MECR: variants seen among roughly 807,000 people sequenced by gnomAD.
MECR encodes the protein enoyl-[acyl-carrier-protein] reductase, mitochondrial.
MECR carries 37 observed loss-of-function variants against 49.1 expected under a neutral mutation model. The ratio of observed to expected loss-of-function variants is 0.75; its 90% confidence interval spans 0.58 to 0.99. MECR has a LOEUF of 0.99. Ranked by LOEUF, MECR falls within the 50% of genes least tolerant of loss-of-function variation. The probability of loss-of-function intolerance (pLI) is 0.00; values close to 1 mark genes in which losing one functional copy is unlikely to be tolerated. For synonymous variants in MECR, 198 were observed against 191.1 expected (o/e 1.04, Z -0.30); for missense variants, 470 against 479.6 (o/e 0.98, Z 0.19).
chr1:29,196,389 G>A (rs1674003469), intron 7 of MECR, 131 bp from the exon 8 acceptor site: 2 of 817,104 alleles, frequency 2.4e-6, no homozygotes, highest in Middle Eastern at 2.7e-4. Flanking sequence ...GGGAAAGGTT[G>A]AAAAATACAG....
At chr1:29,224,084 C>G (rs1681458061) in intron 1 of MECR, 1 of 152,200 alleles carries the variant, frequency 6.6e-6, no homozygotes, top group African/African-American at 2.4e-5. Context: ...GAAACCTTCT[C>G]AATCCCCTAC....
intron 3 of MECR, among the ~76,000 whole-genome samples, chr1:29,211,289 G>A (rs1040010979): frequency 6.6e-6 from 1 of 152,158 alleles, no homozygotes; most frequent in African/African-American, 2.4e-5. Context: ...GGCCATTCTT[G>A]AACTCTTGGA....
intron 4 of MECR, among the ~76,000 whole-genome samples, chr1:29,204,320 A>C (rs1487415486): frequency 1.3e-5 from 2 of 152,092 alleles, no homozygotes; most frequent in Non-Finnish European, 2.9e-5. Flanking sequence ...GGCAGCAGGG[A>C]TCTGTCACAC....
At chr1:29,189,357 C>T (rs1673079987), downstream of MECR, among the ~76,000 whole-genome samples, 3 of 152,068 alleles carry the variant, frequency 2.0e-5, no homozygotes, top group South Asian at 6.2e-4. Flanking sequence ...GTGTGAGCCA[C>T]CACACCCAGG....
Position 29,220,546 on chromosome 1 carries a change from T to C in MECR, c.177-3861A>G, listed in dbSNP as rs528997299. 4.6e-5 allele frequency among the ~76,000 whole-genome samples: 7 copies of C among 152,296 alleles called. No homozygotes were observed. In the East Asian group the frequency reaches 1.4e-3, roughly 29 times the overall value. ...TGGGCTCAAATAAAGATGGAGATTA[T>C]CCTTAAGAGCATTCAGTCTAGGCAT... On this transcript the variant is annotated intron_variant, in intron 1 of 9. Transcript: ENST00000263702.
At chr1:29,224,033 G>C (rs562625574) in intron 1 of MECR, 1 of 152,290 alleles carries the variant, frequency 6.6e-6, no homozygotes, top group South Asian at 2.1e-4. Flanking sequence ...AGGAATCAGA[G>C]ACTTAGGGCA....
intron 3 of MECR, among the ~76,000 whole-genome samples, chr1:29,209,585 G>T (rs1393089623): frequency 6.6e-6 from 1 of 152,158 alleles, no homozygotes; most frequent in Admixed American, 6.5e-5. Flanking sequence ...AGGAACAGAA[G>T]ATGGATTTGA....
At chr1:29,168,910 A>G in the MECR span, 1 of 152,250 alleles carries the variant, frequency 6.6e-6, no homozygotes, top group Non-Finnish European at 1.5e-5. Flanking sequence ...CCAGAAATCA[A>G]AGAATACTAG....
intron 3 of MECR, among the ~76,000 whole-genome samples, chr1:29,214,796 C>T (rs923612685): frequency 6.6e-6 from 1 of 152,286 alleles, no homozygotes; most frequent in Admixed American, 6.5e-5. Context: ...TGACTTTGGG[C>T]CAGGGCTTTA....
At chr1:29,217,877 G>A (rs771933379) in intron 1 of MECR, among the ~76,000 whole-genome samples, 4 of 152,222 alleles carry the variant, frequency 2.6e-5, no homozygotes, top group African/African-American at 4.8e-5. Flanking sequence ...GATTCACTCT[G>A]AGTGATGTCC....
intron 9 of MECR, among the ~76,000 whole-genome samples, chr1:29,195,728 C>A (rs1673813813): frequency 6.6e-6 from 1 of 152,222 alleles, no homozygotes; most frequent in South Asian, 2.1e-4. Flanking sequence ...AGGACGGGGG[C>A]AGTGTCTGTC....
At chr1:29,222,259 A>G (rs867180380) in intron 1 of MECR, among the ~76,000 whole-genome samples, 3 of 151,562 alleles carry the variant, frequency 2.0e-5, no homozygotes, top group Non-Finnish European at 4.4e-5. Context: ...ACGCCTGGCT[A>G]ATTTTTTTTT....
At chr1:29,207,302 TAG>T (rs1164505102) in intron 3 of MECR, among the ~76,000 whole-genome samples, 2 of 152,046 alleles carry the variant, frequency 1.3e-5, no homozygotes, top group African/African-American at 4.8e-5. Context: ...TTATTTTTAG[TAG>T]AGACAGGGTT....
downstream of MECR, among the ~76,000 whole-genome samples, chr1:29,188,341 C>T (rs1673067342): frequency 1.3e-5 from 2 of 150,808 alleles, no homozygotes; most frequent in South Asian, 4.2e-4. Flanking sequence ...AGGTGCCTGC[C>T]ACCACGCCCG....
At chr1:29,172,070 T>C in the MECR span, 1 of 152,216 alleles carries the variant, frequency 6.6e-6, no homozygotes, top group Admixed American at 6.5e-5. Context: ...AGAAAAAAAT[T>C]AAATTCCCCA....
At chr1:29,186,594 A>C in the MECR span, among the ~76,000 whole-genome samples, 1 of 152,238 alleles carries the variant, frequency 6.6e-6, no homozygotes, top group South Asian at 2.1e-4. Context: ...GAATGAATAC[A>C]TAAATAATCT....
At chr1:29,182,164 G>A in the MECR span, among the ~76,000 whole-genome samples, 34 of 152,340 alleles carry the variant, frequency 2.2e-4, no homozygotes, top group South Asian at 6.6e-3. Flanking sequence ...CTAGAGCCCA[G>A]CGAGCGAGCG....
the MECR span, among the ~76,000 whole-genome samples, chr1:29,180,197 T>C: frequency 1.3e-5 from 2 of 152,170 alleles, no homozygotes; most frequent in Admixed American, 1.3e-4. Context: ...GGCTTCAAAA[T>C]CCACACTTTG....
chr1:29,171,667 T>C, the MECR span: 2 of 152,152 alleles, frequency 1.3e-5, no homozygotes, highest in Non-Finnish European at 2.9e-5. Context: ...TTCTCTCAGA[T>C]GCCTGGAGCA....
Sources: gnomAD v4.1 joint callset for allele counts (sites outside exome capture counted in the v4.1 genomes callset) on GRCh38, gnomAD v4.1.1 for gene constraint, MANE v1.5 for transcripts, NCBI Gene and HGNC (gene_info 2026-07-23, HGNC 2026-07-21) for gene names.